The following DIAPH2 variants were observed in gnomAD, a reference collection of about 807,000 sequenced individuals.
DIAPH2 encodes the protein diaphanous related formin 2, also known as protein diaphanous homolog 2.
A neutral mutation model predicts 92.7 loss-of-function variants in DIAPH2; 35 were observed. That is an observed-to-expected ratio of 0.38 (90% CI 0.29 to 0.50). The LOEUF (loss-of-function observed/expected upper bound fraction) is 0.50. Ranked by LOEUF, DIAPH2 falls within the 20% of genes least tolerant of loss-of-function variation. DIAPH2 has a pLI of 0.94. For missense variants in DIAPH2, 701 were observed against 819.5 expected, an observed-to-expected ratio of 0.86 and a Z score of 1.77; for synonymous variants, 301 against 280.4, an observed-to-expected ratio of 1.07 and a Z score of -0.73.
At chrX:97,286,350 A>G (rs1298385775) in intron 23 of DIAPH2, among the ~76,000 whole-genome samples, 1 of 111,009 alleles carries the variant, frequency 9.0e-6, no homozygotes, top group East Asian at 2.8e-4. Flanking sequence ...CGCCTGGCCC[A>G]GAAACTATTA....
intron 24 of DIAPH2, among the ~76,000 whole-genome samples, chrX:97,357,004 C>G (rs955476269): frequency 2.7e-5 from 3 of 111,686 alleles, no homozygotes; most frequent in Admixed American, 1.9e-4. Flanking sequence ...GCCACCTTTT[C>G]CTATTAAAGT....
chrX:97,034,970 C>G (rs768451737), intron 17 of DIAPH2, among the ~76,000 whole-genome samples: 31 of 111,922 alleles, frequency 2.8e-4, no homozygotes, highest in Middle Eastern at 4.6e-3. Flanking sequence ...TTGTGATAAC[C>G]TTGTTTATAC....
intron 26 of DIAPH2, chrX:97,555,555 T>C (rs750230538): frequency 5.8e-6 from 2 of 342,240 alleles, no homozygotes; most frequent in South Asian, 1.5e-4. Context: ...GGAGAAAACT[T>C]GAAGAAAGTT....
At chrX:97,330,761 C>G (rs1010668336) in intron 23 of DIAPH2, among the ~76,000 whole-genome samples, 1 of 110,629 alleles carries the variant, frequency 9.0e-6, no homozygotes, top group Admixed American at 9.7e-5. Flanking sequence ...GATCTACCCA[C>G]CTCAGCCTCC....
chrX:96,794,309 A>T (rs2064522975), intron 4 of DIAPH2, among the ~76,000 whole-genome samples: 1 of 111,330 alleles, frequency 9.0e-6, no homozygotes, highest in Non-Finnish European at 1.9e-5. Context: ...AAACATTCAG[A>T]CCATAGTAGT....
At chrX:97,470,776 AC>A (rs1183301487) in intron 26 of DIAPH2, among the ~76,000 whole-genome samples, 1 of 110,478 alleles carries the variant, frequency 9.1e-6, no homozygotes, top group African/African-American at 3.3e-5. Flanking sequence ...CTTAATAAGA[AC>A]ATAACTGCAG....
intron 22 of DIAPH2, among the ~76,000 whole-genome samples, chrX:97,185,323 A>ATATATG (rs1289031765): frequency 2.1e-5 from 1 of 47,729 alleles, no homozygotes; most frequent in African/African-American, 1.2e-4. Flanking sequence ...ATATATATAT[A>ATATATG]TGTGTATATA....
intron 17 of DIAPH2, among the ~76,000 whole-genome samples, chrX:96,965,530 T>C (rs1569437411): frequency 9.0e-6 from 1 of 111,469 alleles, no homozygotes; most frequent in Non-Finnish European, 1.9e-5. Context: ...CGTTGATTCA[T>C]CATGTAAGAG....
chrX:96,806,280 A>G (rs1040133903), intron 4 of DIAPH2, among the ~76,000 whole-genome samples: 3 of 111,818 alleles, frequency 2.7e-5, no homozygotes, highest in Non-Finnish European at 5.6e-5. Context: ...TCAGTTTTCT[A>G]GTATGGCATT....
At chrX:97,240,402 C>A (rs905530949) in intron 22 of DIAPH2, among the ~76,000 whole-genome samples, 2 of 110,753 alleles carry the variant, frequency 1.8e-5, no homozygotes, top group African/African-American at 6.6e-5. Context: ...GTCAGGAGAT[C>A]GAGACCATCC....
At chrX:97,235,009 G>A (rs887975653) in intron 22 of DIAPH2, among the ~76,000 whole-genome samples, 2 of 112,245 alleles carry the variant, frequency 1.8e-5, no homozygotes, top group Admixed American at 1.9e-4. Context: ...ATGTGTATTT[G>A]TGCTTGTATA....
chrX:97,559,488 C>CA (rs1235826953), intron 26 of DIAPH2, among the ~76,000 whole-genome samples: 2,923 of 42,832 alleles, frequency 0.068, 146 homozygotes, highest in African/African-American at 0.21. Context: ...GACTCCGTCT[C>CA]AAAAAAAAAA....
intron 25 of DIAPH2, 53 bp from the exon 26 acceptor site, chrX:97,429,597 G>C: frequency 8.5e-7 from 1 of 1,175,648 alleles, no homozygotes; most frequent in Non-Finnish European, 1.1e-6. Flanking sequence ...TTATTTTCCT[G>C]TAGTTTAACT....
intron 19 of DIAPH2, among the ~76,000 whole-genome samples, chrX:97,084,216 A>T (rs1349030347): frequency 1.8e-5 from 2 of 111,133 alleles, no homozygotes; most frequent in African/African-American, 6.5e-5. Context: ...CTCACCAGCC[A>T]TATGAATGGG....
chrX:97,508,173 T>TA (rs925308940), intron 26 of DIAPH2, among the ~76,000 whole-genome samples: 264 of 108,106 alleles, frequency 2.4e-3, no homozygotes, highest in South Asian at 5.5e-3. Context: ...ATGTGAGATC[T>TA]AAAAAAAAAA....
At chrX:97,192,310 AAAAAG>A (rs1158416974) in intron 22 of DIAPH2, among the ~76,000 whole-genome samples, 6,324 of 101,511 alleles carry the variant, frequency 0.062, 564 homozygotes, top group African/African-American at 0.24. Flanking sequence ...AAAAAAAAAA[AAAAAG>A]AAAAGAAAAG....
At chrX:96,829,848 G>A (rs2064839915) in intron 4 of DIAPH2, among the ~76,000 whole-genome samples, 1 of 108,963 alleles carries the variant, frequency 9.2e-6, no homozygotes, top group East Asian at 2.9e-4. Flanking sequence ...ATAAGAGAGA[G>A]TCAATGACAT....
chrX:97,377,555 CTA>C (rs745592463), intron 24 of DIAPH2, among the ~76,000 whole-genome samples: 1 of 111,989 alleles, frequency 8.9e-6, no homozygotes, highest in East Asian at 2.8e-4. Flanking sequence ...AGATGCATGA[CTA>C]TATTTCACAG....
intron 16 of DIAPH2, among the ~76,000 whole-genome samples, chrX:96,961,841 T>C (rs1213099339): frequency 9.0e-6 from 1 of 110,658 alleles, no homozygotes; most frequent in African/African-American, 3.3e-5. Context: ...GAAATCTCTC[T>C]TATTATTGAT....
Sources: gnomAD v4.1 joint callset for allele counts (sites outside exome capture counted in the v4.1 genomes callset) on GRCh38, gnomAD v4.1.1 for gene constraint, MANE v1.5 for transcripts, NCBI Gene and HGNC (gene_info 2026-07-23, HGNC 2026-07-21) for gene names.